The following CELF2 variants were observed in gnomAD, a reference collection of about 807,000 sequenced individuals.
CELF2 encodes the protein CUGBP Elav-like family member 2.
In CELF2, 8 loss-of-function variants were observed where a neutral mutation model predicts 62.6. The ratio of observed to expected loss-of-function variants is 0.13; its 90% CI spans 0.07 to 0.23. CELF2 has a LOEUF of 0.23. CELF2 is among the 10% of genes least tolerant of loss of function. The pLI is 1.00. For missense variants in CELF2, 333 were observed against 671.0 expected (o/e 0.50, Z 5.56); for synonymous variants, 258 against 250.0 (o/e 1.03, Z -0.30).
At chr10:10,553,813 T>C in the CELF2 span, among the ~76,000 whole-genome samples, 2 of 152,112 alleles carry the variant, frequency 1.3e-5, no homozygotes, top group Non-Finnish European at 2.9e-5. Context: ...AGGAGGTCAC[T>C]GCTGGAGGAG....
At chr10:10,781,202 T>C in the CELF2 span, among the ~76,000 whole-genome samples, 2 of 152,306 alleles carry the variant, frequency 1.3e-5, no homozygotes, top group South Asian at 2.1e-4. Context: ...CATATATGAG[T>C]GGCCCCAGCA....
At chr10:11,168,346 C>T (rs2067844315) in intron 2 of CELF2, among the ~76,000 whole-genome samples, 1 of 152,130 alleles carries the variant, frequency 6.6e-6, no homozygotes, top group Non-Finnish European at 1.5e-5. Flanking sequence ...ATACAGACAT[C>T]TCTGTTGTGA....
intron 1 of CELF2, among the ~76,000 whole-genome samples, chr10:10,895,706 T>C (rs1028076690): frequency 3.9e-5 from 6 of 152,178 alleles, no homozygotes; most frequent in African/African-American, 1.4e-4. Context: ...TTCTCCTGTC[T>C]GATGAAAAAC....
chr10:10,939,773 T>C (rs1335537427), intron 2 of CELF2, among the ~76,000 whole-genome samples: 4 of 151,490 alleles, frequency 2.6e-5, no homozygotes, highest in Non-Finnish European at 4.4e-5. Context: ...GCTAACACGG[T>C]GAAACCCCAT....
chr10:10,918,565 G>C (rs10795835), intron 1 of CELF2, among the ~76,000 whole-genome samples: 57,343 of 152,074 alleles, frequency 0.38, 12,256 homozygotes, highest in East Asian at 0.71. Flanking sequence ...GAGTAAATAG[G>C]AAGAGGGAGT....
At position 11,333,365 on chromosome 10, in the gene CELF2, C is replaced by T. The variant is rs1210851606; in HGVS notation, c.*4312C>T. On this transcript the variant is annotated 3_prime_UTR_variant, in exon 13 of 13. Coordinates refer to ENST00000633077, the MANE Select transcript of CELF2 (RefSeq NM_001326342.2). ...GAAGAAAACACACACAGGGAAACCG[C>T]TTTTTTTAATCAATTGTAGAGAATA... 1 of 152,668 alleles carries T rather than the reference C, an allele frequency of 6.6e-6. No homozygotes were observed. The highest frequency in any genetic ancestry group is 1.9e-4 in the East Asian group (1 of 5,184). The allele number at this position is 152,668 out of a possible 1,614,324, so 9.5% of individuals were successfully genotyped here.
chr10:10,594,403 C>T, the CELF2 span, among the ~76,000 whole-genome samples: 9 of 140,436 alleles, frequency 6.4e-5, no homozygotes, highest in East Asian at 1.8e-3. Flanking sequence ...GCATTTAGTT[C>T]GAGCTAACCT....
At chr10:10,887,344 C>T (rs1022039707) in intron 1 of CELF2, among the ~76,000 whole-genome samples, 1 of 152,196 alleles carries the variant, frequency 6.6e-6, no homozygotes, top group Non-Finnish European at 1.5e-5. Context: ...ATTGACTTCA[C>T]TGGGCTCCAG....
At chr10:11,129,683 C>G (rs1289477926) in intron 1 of CELF2, among the ~76,000 whole-genome samples, 2 of 152,110 alleles carry the variant, frequency 1.3e-5, no homozygotes, top group African/African-American at 4.8e-5. Context: ...TTACAGTATT[C>G]TCTGATGGTA....
At chr10:10,863,944 G>A (rs1371717474) in intron 1 of CELF2, among the ~76,000 whole-genome samples, 1 of 152,138 alleles carries the variant, frequency 6.6e-6, no homozygotes, top group African/African-American at 2.4e-5. Flanking sequence ...CTCTATAAAA[G>A]CTTGTCCCTT....
the CELF2 span, among the ~76,000 whole-genome samples, chr10:10,754,061 GTT>G: frequency 0.085 from 7,241 of 85,294 alleles, 328 homozygotes; most frequent in South Asian, 0.2. Flanking sequence ...TGCTGAGGTG[GTT>G]TTTTTTTTTT....
intron 1 of CELF2, among the ~76,000 whole-genome samples, chr10:10,815,454 G>A (rs2056363009): frequency 6.6e-6 from 1 of 152,204 alleles, no homozygotes; most frequent in African/African-American, 2.4e-5. Context: ...CTAGGTTAGA[G>A]AATATAGAGA....
At chr10:10,547,505 G>T in the CELF2 span, among the ~76,000 whole-genome samples, 10 of 152,010 alleles carry the variant, frequency 6.6e-5, no homozygotes, top group African/African-American at 9.7e-5. Context: ...TTATATCTCA[G>T]TGTTGCCTTA....
At chr10:10,789,895 G>A in the CELF2 span, among the ~76,000 whole-genome samples, 1 of 151,930 alleles carries the variant, frequency 6.6e-6, no homozygotes, top group African/African-American at 2.4e-5. Context: ...TTGATAAACG[G>A]ATTTTTATGA....
chr10:10,837,308 G>T (rs572383463), intron 1 of CELF2, among the ~76,000 whole-genome samples: 4 of 152,132 alleles, frequency 2.6e-5, no homozygotes, highest in Non-Finnish European at 5.9e-5. Context: ...CTCATTTTCT[G>T]TCTTGCCTGT....
In CELF2 at chr10:11,199,829, G is replaced by A. The variant is rs138685551; in HGVS notation, c.272-17596G>A. Among the ~76,000 whole-genome samples, 316 of 152,352 alleles carry A rather than the reference G, an allele frequency of 2.1e-3. 1 individual carries two copies. Among genetic ancestry groups the A allele is most frequent in the Non-Finnish European group, 3.5e-3 (239 of 68,032 alleles). ...TAGCCTAGAACAGGGATGTGATGAA[G>A]ACTAATAAGATAAAACCAGTCAGAG... On this transcript the variant is annotated intron_variant, in intron 2 of 12. Transcript: ENST00000633077.
At chr10:10,939,905 G>C (rs528989620) in intron 2 of CELF2, among the ~76,000 whole-genome samples, 77 of 152,230 alleles carry the variant, frequency 5.1e-4, no homozygotes, top group African/African-American at 1.7e-3. Context: ...AGTGAGCCGA[G>C]ACCGCACCAC....
chr10:10,996,087 T>C (rs1417913885), intron 2 of CELF2, among the ~76,000 whole-genome samples: 1 of 152,206 alleles, frequency 6.6e-6, no homozygotes, highest in Non-Finnish European at 1.5e-5. Flanking sequence ...TATGCAAATG[T>C]AGAGTTTCTA....
At chr10:11,279,730 C>T (rs907651868) in intron 8 of CELF2, among the ~76,000 whole-genome samples, 1 of 152,148 alleles carries the variant, frequency 6.6e-6, no homozygotes, top group Non-Finnish European at 1.5e-5. Context: ...TCATGCCCTT[C>T]TCCTTATAAA....
Sources: gnomAD v4.1 joint callset for allele counts (sites outside exome capture counted in the v4.1 genomes callset) on GRCh38, gnomAD v4.1.1 for gene constraint, MANE v1.5 for transcripts, NCBI Gene and HGNC (gene_info 2026-07-23, HGNC 2026-07-21) for gene names.